The following ZNF341 variants were observed in gnomAD, a reference collection of about 807,000 sequenced individuals.
The protein encoded by ZNF341 is zinc finger protein 341.
In ZNF341, 52 loss-of-function variants were observed where a neutral mutation model predicts 87.7. That is an observed-to-expected ratio of 0.59 (90% confidence interval 0.47 to 0.75). The LOEUF is 0.75. Among genes scored for constraint, ZNF341 ranks in the 30% least tolerant of loss-of-function variants. The probability of loss-of-function intolerance (pLI) is 0.00; values close to 1 mark genes in which losing one functional copy is unlikely to be tolerated. For synonymous variants in ZNF341, 459 were observed against 472.7 expected, an observed-to-expected ratio of 0.97 and a Z score of 0.38; for missense variants, 977 against 1,145.9, an observed-to-expected ratio of 0.85 and a Z score of 2.13.
At chr20:33,763,274 A>C (rs902597389) in intron 8 of ZNF341, among the ~76,000 whole-genome samples, 4 of 152,118 alleles carry the variant, frequency 2.6e-5, no homozygotes, top group African/African-American at 9.7e-5. Context: ...TGTACCCATC[A>C]CCCAAATACT....
chr20:33,742,767 T>C (rs2018830320), intron 2 of ZNF341, among the ~76,000 whole-genome samples: 3 of 152,192 alleles, frequency 2.0e-5, no homozygotes, highest in Non-Finnish European at 4.4e-5. Flanking sequence ...GCCCTGTCCA[T>C]GCCCTTTCCT....
chr20:33,745,916 G>A (rs1303275451), intron 3 of ZNF341, among the ~76,000 whole-genome samples: 1 of 150,892 alleles, frequency 6.6e-6, no homozygotes, highest in Non-Finnish European at 1.5e-5. Context: ...GGCAGATCGT[G>A]TAGGGTCTGG....
intron 10 of ZNF341, among the ~76,000 whole-genome samples, chr20:33,772,891 TGGGAAATG>T (rs2019558897): frequency 6.6e-6 from 1 of 152,102 alleles, no homozygotes; most frequent in South Asian, 2.1e-4. Flanking sequence ...CCCAAGACTC[TGGGAAATG>T]GGGCAAGAGA....
chr20:33,748,864 G>A, intron 3 of ZNF341, 59 bp from the exon 4 acceptor site: 5 of 1,527,958 alleles, frequency 3.3e-6, no homozygotes, highest in Non-Finnish European at 4.5e-6. Flanking sequence ...ACGCACACAT[G>A]AGCACACACA....
At chr20:33,781,183 A>T (rs2019735320) in intron 10 of ZNF341, 108 bp from the exon 11 acceptor site, 15 of 783,368 alleles carry the variant, frequency 1.9e-5, no homozygotes, top group Non-Finnish European at 3.2e-5. Context: ...ATTTGGAATG[A>T]ATTAACTGTA....
At chr20:33,777,154 A>C (rs1456531595) in intron 10 of ZNF341, among the ~76,000 whole-genome samples, 8 of 146,452 alleles carry the variant, frequency 5.5e-5, no homozygotes, top group African/African-American at 2.0e-4. Context: ...TCTTTACCAA[A>C]AAAAAAAAAA....
In ZNF341 at chr20:33,732,096, G is replaced by T; in HGVS notation, c.31+44G>T. ...GGCGGAGGCGGCTGTTCCGCGCTGCGCCCCCTCCCGCCGCGCCCTCGCAGC... is the reference window on the plus strand; with the variant it reads ...GGCGGAGGCGGCTGTTCCGCGCTGCTCCCCCTCCCGCCGCGCCCTCGCAGC... On this transcript the variant is annotated intron_variant, in intron 1 of 14. Coordinates refer to ENST00000375200, the MANE Select transcript of ZNF341 (RefSeq NM_001282933.2). This position sits in a 1 kb window ranked among gnomAD's most constrained non-coding sequence, Gnocchi z 4.5. The T allele has an allele frequency of 8.4e-7, 1 of 1,183,944 alleles. No homozygotes were observed. Among genetic ancestry groups the T allele is most frequent in the Non-Finnish European group, 1.0e-6 (1 of 956,070 alleles). 73.3% of individuals were successfully genotyped at this position (1,183,944 alleles called of 1,614,324 possible).
intron 10 of ZNF341, among the ~76,000 whole-genome samples, chr20:33,770,535 A>G (rs2019509714): frequency 6.6e-6 from 1 of 152,224 alleles, no homozygotes; most frequent in African/African-American, 2.4e-5. Context: ...CCAAAAAAAA[A>G]TCCTTAAAAA....
rs751373005 is a variant in ZNF341 at position 33,791,308 on chromosome 20, G to A, written c.2356G>A (p.Glu786Lys). The change falls in exon 15 of 15, where the codon GAG (glutamate) becomes AAG (lysine). Residue 786 changes from glutamate (E) to lysine (K), a missense_variant. Coordinates refer to ENST00000375200, the MANE Select transcript of ZNF341 (RefSeq NM_001282933.2). ...LKDTGAGLVP[E>K]AVPGKPPFAE... ...GGACACAGGGGCTGGGCTGGTGCCCGAGGCTGTCCCCGGCAAGCCGCCCTT... is the reference window on the plus strand; with the variant it reads ...GGACACAGGGGCTGGGCTGGTGCCCAAGGCTGTCCCCGGCAAGCCGCCCTT... The A allele has an allele frequency of 3.5e-5, 57 of 1,611,452 alleles. No homozygotes were observed. Among genetic ancestry groups the A allele is most frequent in the South Asian group, 5.5e-5 (5 of 91,004 alleles).
chr20:33,775,452 A>G (rs2019609342), intron 10 of ZNF341, among the ~76,000 whole-genome samples: 1 of 148,592 alleles, frequency 6.7e-6, no homozygotes, highest in Non-Finnish European at 1.5e-5. Context: ...CTCGTGATCT[A>G]CCCACCTCGG....
Position 33,757,362 on chromosome 20 carries a change from A to G in ZNF341, c.937+19A>G, listed in dbSNP as rs759158833. Reference sequence around the variant, plus strand: ...CCGGAAGGTGGGCCCCCAGCCTGCCATGGGCATCTTTCCTCAACATTGGCC... The same window carrying G: ...CCGGAAGGTGGGCCCCCAGCCTGCCGTGGGCATCTTTCCTCAACATTGGCC... On this transcript the variant is annotated intron_variant, in intron 6 of 14. Transcript: ENST00000375200. 4 of 1,452,776 alleles carry G rather than the reference A, an allele frequency of 2.8e-6. No homozygotes were observed. The highest frequency in any genetic ancestry group is 2.5e-5 in the Admixed American group (1 of 39,444). 90.0% of individuals were successfully genotyped at this position (1,452,776 alleles called of 1,614,324 possible).
At chr20:33,781,516 C>T in intron 11 of ZNF341, 129 bp downstream of exon 11, 4 of 761,180 alleles carry the variant, frequency 5.3e-6, no homozygotes, top group Non-Finnish European at 8.8e-6. Flanking sequence ...TCAGGGGCTG[C>T]TCCACAGATG....
intron 9 of ZNF341, among the ~76,000 whole-genome samples, chr20:33,767,769 T>G (rs1275162398): frequency 6.6e-6 from 1 of 152,250 alleles, no homozygotes; most frequent in East Asian, 1.9e-4. Flanking sequence ...AACTGGCTTC[T>G]TAGGGTTTTA....
intron 12 of ZNF341, among the ~76,000 whole-genome samples, chr20:33,785,840 C>T (rs1457565203): frequency 1.3e-5 from 2 of 151,974 alleles, no homozygotes; most frequent in Non-Finnish European, 2.9e-5. Flanking sequence ...TTTTCCTTAT[C>T]ATATACCTTG....
intron 11 of ZNF341, among the ~76,000 whole-genome samples, chr20:33,782,240 C>A (rs999010586): frequency 3.3e-5 from 5 of 152,234 alleles, no homozygotes; most frequent in Admixed American, 3.3e-4. Flanking sequence ...TGAATCAGGT[C>A]CATAGATTGC....
chr20:33,785,206 C>CT (rs948640243), intron 12 of ZNF341, among the ~76,000 whole-genome samples: 2 of 151,996 alleles, frequency 1.3e-5, no homozygotes, highest in Non-Finnish European at 2.9e-5. Context: ...AATGTTTTTC[C>CT]TTTTTTTTCT....
rs770914623 is a variant in ZNF341, at chr20:33,748,975, A to C, written c.392A>C (p.Gln131Pro). ...TCCCCACTGATCCAGACCCTGGTGC[A>C]GGGGAACATCTTGGTGAGCGATGAT... is the stretch of plus-strand genomic sequence containing the variant. ...PPSPLIQTLV[Q>P]GNILVSDDVL... The change falls in exon 4 of 15, where the codon CAG (glutamine) becomes CCG (proline). Residue 131 changes from glutamine (Q) to proline (P), a missense_variant. Gln to Pro is a moderately conservative substitution (Grantham distance 76). Coordinates refer to ENST00000375200, the MANE Select transcript of ZNF341 (RefSeq NM_001282933.2). 4.3e-6 allele frequency: 7 copies of C among 1,614,096 alleles called. No individual in the cohort carries two copies. In the East Asian group the frequency reaches 1.6e-4, roughly 36 times the overall value.
intron 4 of ZNF341, chr20:33,752,117 CCT>C (rs922665443): frequency 1.9e-4 from 75 of 386,428 alleles, no homozygotes; most frequent in East Asian, 4.8e-4. Context: ...AGCCCCCCCC[CCT>C]TTTTTTTTAA....
At chr20:33,768,247 T>A (rs531064887) in intron 9 of ZNF341, among the ~76,000 whole-genome samples, 3 of 151,948 alleles carry the variant, frequency 2.0e-5, no homozygotes, top group Non-Finnish European at 4.4e-5. Context: ...CTCAGCCTCC[T>A]GAGTAGCTGG....
Sources: gnomAD v4.1 joint callset for allele counts (sites outside exome capture counted in the v4.1 genomes callset) on GRCh38, gnomAD v4.1.1 for gene constraint, Gnocchi (gnomAD v3.1) non-coding constraint, MANE v1.5 for transcripts, NCBI Gene and HGNC (gene_info 2026-07-23, HGNC 2026-07-21) for gene names.